Variants in BARX2 observed in about 807,000 individuals in gnomAD.
BARX2 encodes the protein BARX homeobox 2.
A neutral mutation model predicts 25.5 loss-of-function variants in BARX2; 11 were observed. That is an observed-to-expected ratio of 0.43 (90% CI 0.27 to 0.71). The LOEUF (loss-of-function observed/expected upper bound fraction) is 0.71. Among genes scored for constraint, BARX2 ranks in the 30% least tolerant of loss-of-function variants. The probability of loss-of-function intolerance (pLI) is 0.19; values close to 1 mark genes in which losing one functional copy is unlikely to be tolerated. For synonymous variants in BARX2, 137 were observed against 149.5 expected (o/e 0.92, Z 0.61); for missense variants, 360 against 359.9 (o/e 1.00, Z 0.00).
chr11:129,446,387 T>A (rs979899367), intron 3 of BARX2, among the ~76,000 whole-genome samples: 1 of 152,164 alleles, frequency 6.6e-6, no homozygotes, highest in Non-Finnish European at 1.5e-5. Flanking sequence ...TAGCTCTCTG[T>A]GTAATCTTGG....
chr11:129,422,386 A>G (rs1432934271), intron 1 of BARX2, among the ~76,000 whole-genome samples: 1 of 149,312 alleles, frequency 6.7e-6, no homozygotes, highest in Non-Finnish European at 1.5e-5. Flanking sequence ...GCCTCCTCCA[A>G]CTCCTCGGTT....
intron 1 of BARX2, among the ~76,000 whole-genome samples, chr11:129,393,241 C>A (rs1319526955): frequency 1.3e-5 from 2 of 152,098 alleles, no homozygotes; most frequent in Middle Eastern, 3.2e-3. Flanking sequence ...TATCTAAAAA[C>A]AACAGCAACA....
intron 1 of BARX2, among the ~76,000 whole-genome samples, chr11:129,413,402 G>A (rs1464111552): frequency 6.6e-6 from 1 of 152,178 alleles, no homozygotes; most frequent in African/African-American, 2.4e-5. Context: ...CCAGAGCGTG[G>A]CAAATGTATT....
chr11:129,401,381 A>G (rs1335776120), intron 1 of BARX2, among the ~76,000 whole-genome samples: 1 of 152,204 alleles, frequency 6.6e-6, no homozygotes, highest in African/African-American at 2.4e-5. Flanking sequence ...GGTGATAGTG[A>G]GTCCTGGAGG....
intron 1 of BARX2, among the ~76,000 whole-genome samples, chr11:129,429,384 G>A (rs1338362727): frequency 6.6e-6 from 1 of 152,088 alleles, no homozygotes; most frequent in Non-Finnish European, 1.5e-5. Context: ...AATTAGCAGA[G>A]TGTGGTAGCA....
intron 1 of BARX2, among the ~76,000 whole-genome samples, chr11:129,408,297 ATTACT>A (rs1861853276): frequency 2.0e-5 from 3 of 152,200 alleles, no homozygotes; most frequent in Admixed American, 2.0e-4. Flanking sequence ...CATGCAATAC[ATTACT>A]TTTTTTGTGA....
intron 1 of BARX2, among the ~76,000 whole-genome samples, chr11:129,383,659 A>C (rs1196831446): frequency 1.3e-5 from 2 of 152,216 alleles, no homozygotes; most frequent in Admixed American, 6.5e-5. Context: ...CAGAGTGCAC[A>C]CAGATGACAC....
chr11:129,392,047 C>A (rs1209883230), intron 1 of BARX2, among the ~76,000 whole-genome samples: 1 of 152,224 alleles, frequency 6.6e-6, no homozygotes, highest in South Asian at 2.1e-4. Context: ...GGATGGAACA[C>A]TTAATTGGGA....
At chr11:129,384,086 C>T (rs1861595597) in intron 1 of BARX2, among the ~76,000 whole-genome samples, 1 of 152,092 alleles carries the variant, frequency 6.6e-6, no homozygotes, top group African/African-American at 2.4e-5. Context: ...GTTGGCCAGG[C>T]TGGTCTCAAA....
chr11:129,398,719 A>C (rs1452420750), intron 1 of BARX2, among the ~76,000 whole-genome samples: 1 of 152,194 alleles, frequency 6.6e-6, no homozygotes, highest in East Asian at 1.9e-4. Flanking sequence ...TTGGTTAGCT[A>C]GGTTTATCAA....
rs370246613 is a variant in BARX2 at position 129,445,338 on chromosome 11, A to ATCTT, written c.573+2421_573+2424dup. 1.7e-3 allele frequency among the ~76,000 whole-genome samples: 264 copies of ATCTT among 152,308 alleles called. 1 individual carries two copies. The highest frequency in any genetic ancestry group is 6.1e-3 in the African/African-American group (252 of 41,570). On this transcript the variant is annotated intron_variant, in intron 3 of 3. Transcript: ENST00000281437. Reference sequence around the variant, plus strand: ...GCATTGTTTAAATTGGTTATCAGCAATCTTTTCGTGAGTCAGATGATTAAG... The same window carrying ATCTT: ...GCATTGTTTAAATTGGTTATCAGCAATCTTTCTTTTCGTGAGTCAGATGATTAAG...
In BARX2 at chr11:129,378,135, GGGTGGCTGTTGGCAAT is replaced by G. The variant is rs1202662933; in HGVS notation, c.187+1917_187+1932del. On this transcript the variant is annotated intron_variant, in intron 1 of 3. Coordinates refer to ENST00000281437, the MANE Select transcript of BARX2 (RefSeq NM_003658.5). ...AAGTTCACTGATGGTTCGTGGTAGA[GGGTGGCTGTTGGCAAT>G]GGTTTTCTGGCTCCGTTATTCCAGT... is the stretch of plus-strand genomic sequence containing the variant. 4.6e-5 allele frequency among the ~76,000 whole-genome samples: 7 copies of G among 152,320 alleles called. No homozygotes were observed. The East Asian group carries it at 1.3e-3, about 29-fold the overall frequency.
chr11:129,434,425 A>G, intron 1 of BARX2, among the ~76,000 whole-genome samples: 9 of 55,710 alleles, frequency 1.6e-4, no homozygotes, highest in East Asian at 9.3e-4. Context: ...AGTAAGTAAA[A>G]AAAAAAAAAA....
At chr11:129,402,019 T>G (rs1452960572) in intron 1 of BARX2, among the ~76,000 whole-genome samples, 2 of 67,962 alleles carry the variant, frequency 2.9e-5, no homozygotes, top group Non-Finnish European at 4.8e-5. Context: ...TTGACAGTGG[T>G]TTTTTTTTTT....
At chr11:129,426,146 T>G (rs1163178872) in intron 1 of BARX2, among the ~76,000 whole-genome samples, 2 of 152,106 alleles carry the variant, frequency 1.3e-5, no homozygotes, top group African/African-American at 4.8e-5. Flanking sequence ...CATTCACTCT[T>G]GCTGGACTAG....
At chr11:129,437,123 C>T (rs1356879198) in intron 2 of BARX2, 72 bp downstream of exon 2, 13 of 1,420,914 alleles carry the variant, frequency 9.1e-6, no homozygotes, top group East Asian at 5.0e-5. Flanking sequence ...CATTGTGGGC[C>T]GTGGAGCCAC....
At chr11:129,421,722 A>T (rs1862005980) in intron 1 of BARX2, among the ~76,000 whole-genome samples, 1 of 152,166 alleles carries the variant, frequency 6.6e-6, no homozygotes, top group Non-Finnish European at 1.5e-5. Flanking sequence ...ACTTGCCTTC[A>T]TGTTCCAGCA....
At chr11:129,378,506 CAAT>C (rs1487944709) in intron 1 of BARX2, among the ~76,000 whole-genome samples, 2 of 150,114 alleles carry the variant, frequency 1.3e-5, no homozygotes, top group African/African-American at 4.9e-5. Context: ...AAAACAACAA[CAAT>C]AAGTTGCTGG....
intron 2 of BARX2, among the ~76,000 whole-genome samples, chr11:129,439,309 G>A (rs1236564295): frequency 2.0e-5 from 3 of 152,018 alleles, no homozygotes; most frequent in African/African-American, 7.3e-5. Flanking sequence ...TTCAAGTTCT[G>A]GGATACATGT....
Sources: gnomAD v4.1 joint callset for allele counts (sites outside exome capture counted in the v4.1 genomes callset) on GRCh38, gnomAD v4.1.1 for gene constraint, MANE v1.5 for transcripts, NCBI Gene and HGNC (gene_info 2026-07-23, HGNC 2026-07-21) for gene names.